Variants in SLC2A13 observed in about 807,000 individuals in gnomAD.
SLC2A13 encodes proton myo-inositol cotransporter.
Under a neutral mutation model 64.4 loss-of-function variants are expected in SLC2A13, and 32 were observed. The observed-to-expected ratio is 0.50, with a 90% CI of 0.37 to 0.67. The LOEUF (loss-of-function observed/expected upper bound fraction) is 0.67, where lower values mean the gene tolerates loss of function less well. SLC2A13 is among the 30% of genes least tolerant of loss of function. The pLI is 0.00. For missense variants in SLC2A13, 743 were observed against 829.2 expected, an observed-to-expected ratio of 0.90 and a Z score of 1.28; for synonymous variants, 338 against 327.1, an observed-to-expected ratio of 1.03 and a Z score of -0.36.
At chr12:39,899,066 C>T (rs1945009156) in intron 4 of SLC2A13, among the ~76,000 whole-genome samples, 1 of 152,002 alleles carries the variant, frequency 6.6e-6, no homozygotes. Flanking sequence ...GTACCAGTTC[C>T]TCCTTGTACC....
intron 3 of SLC2A13, among the ~76,000 whole-genome samples, chr12:39,952,418 G>A (rs1402491586): frequency 1.3e-5 from 2 of 152,120 alleles, no homozygotes; most frequent in African/African-American, 4.8e-5. Context: ...AAAATCCAAA[G>A]AAGTCTAACT....
chr12:40,097,705 C>T (rs1938999747), intron 1 of SLC2A13, among the ~76,000 whole-genome samples: 1 of 152,152 alleles, frequency 6.6e-6, no homozygotes, highest in African/African-American at 2.4e-5. Flanking sequence ...AGGATGGCCA[C>T]TGTCAAAAGA....
chr12:39,863,231 G>C (rs1225635435), intron 6 of SLC2A13, among the ~76,000 whole-genome samples: 2 of 152,030 alleles, frequency 1.3e-5, no homozygotes, highest in African/African-American at 4.8e-5. Context: ...ACATCATAAG[G>C]ATTAACAGAC....
chr12:39,800,355 G>A (rs954827423), intron 7 of SLC2A13, among the ~76,000 whole-genome samples: 1 of 151,894 alleles, frequency 6.6e-6, no homozygotes, highest in Non-Finnish European at 1.5e-5. Context: ...ATCTGACAAA[G>A]GGCTAATATC....
chr12:39,760,218 C>T lies in SLC2A13; in HGVS notation c.1755G>A (p.Val585=). The T allele has an allele frequency of 6.2e-7, 1 of 1,612,468 alleles. No individual in the cohort carries two copies. The highest frequency in any genetic ancestry group is 8.5e-7 in the Non-Finnish European group (1 of 1,179,146). The change falls in exon 10 of 10, where the codon GTG becomes GTA. Residue 585 remains valine (V), a synonymous_variant. Transcript: ENST00000280871. ...AFFLYAGFAA[V]GLLFIYGCLP... is the part of the protein sequence containing the mutation. ...GACAGCCATAGATGAAAAGGAGTCCCACAGCAGCAAATCCAGCATAGAGGA... is the reference window on the plus strand; with the variant it reads ...GACAGCCATAGATGAAAAGGAGTCCTACAGCAGCAAATCCAGCATAGAGGA...
intron 4 of SLC2A13, among the ~76,000 whole-genome samples, chr12:39,881,983 C>G (rs1285076201): frequency 6.6e-6 from 1 of 152,092 alleles, no homozygotes; most frequent in Non-Finnish European, 1.5e-5. Context: ...GCTCTACCAC[C>G]AAAATCCTTT....
At chr12:39,897,640 T>C (rs762199313) in intron 4 of SLC2A13, among the ~76,000 whole-genome samples, 2 of 152,220 alleles carry the variant, frequency 1.3e-5, no homozygotes, top group African/African-American at 2.4e-5. Context: ...GCTAGCATAC[T>C]GAGAAGGTGA....
intron 3 of SLC2A13, among the ~76,000 whole-genome samples, chr12:40,002,244 T>C (rs1021923475): frequency 1.1e-4 from 16 of 152,330 alleles, no homozygotes; most frequent in African/African-American, 3.8e-4. Context: ...CTCATAATTA[T>C]CCTATAGTGG....
chr12:40,039,789 C>A (rs1050484186), intron 2 of SLC2A13, among the ~76,000 whole-genome samples: 1 of 152,218 alleles, frequency 6.6e-6, no homozygotes, highest in Non-Finnish European at 1.5e-5. Context: ...ACATTTGTTG[C>A]AAGTGATGAG....
At chr12:39,881,338 A>C (rs1247676730) in intron 4 of SLC2A13, among the ~76,000 whole-genome samples, 4 of 152,092 alleles carry the variant, frequency 2.6e-5, no homozygotes, top group Non-Finnish European at 5.9e-5. Context: ...TAAAAAAAAA[A>C]CAATCTGGAA....
At chr12:39,996,882 T>C (rs971668324) in intron 3 of SLC2A13, among the ~76,000 whole-genome samples, 19 of 152,124 alleles carry the variant, frequency 1.2e-4, no homozygotes, top group African/African-American at 3.4e-4. Context: ...AAAGAAATCA[T>C]AGAAAACACA....
intron 6 of SLC2A13, 27 bp from the exon 7 acceptor site, chr12:39,830,255 T>C (rs1001764536): frequency 1.2e-6 from 2 of 1,606,216 alleles, no homozygotes; most frequent in Non-Finnish European, 1.7e-6. Context: ...GTTACCGTCA[T>C]GTTGGCAGAG....
At chr12:39,983,893 G>T (rs879920480) in intron 3 of SLC2A13, among the ~76,000 whole-genome samples, 26 of 144,758 alleles carry the variant, frequency 1.8e-4, no homozygotes, top group Admixed American at 5.6e-4. Context: ...TGTTTATTGC[G>T]GCATTATTCA....
At chr12:39,961,507 T>C (rs1250690093) in intron 3 of SLC2A13, among the ~76,000 whole-genome samples, 1 of 152,178 alleles carries the variant, frequency 6.6e-6, no homozygotes. Context: ...AAGCAATAAT[T>C]TTTTTGTTTA....
chr12:39,776,532 A>G (rs1224637696), intron 7 of SLC2A13, among the ~76,000 whole-genome samples: 11 of 152,218 alleles, frequency 7.2e-5, no homozygotes, highest in Non-Finnish European at 1.6e-4. Context: ...TTGAAAGAGG[A>G]TAGAGTGACA....
At chr12:39,901,565 T>C (rs1945111101) in intron 4 of SLC2A13, among the ~76,000 whole-genome samples, 2 of 126,396 alleles carry the variant, frequency 1.6e-5, no homozygotes, top group Non-Finnish European at 3.3e-5. Context: ...AGAAGACATT[T>C]ATGCAGCCAA....
At chr12:39,987,218 C>T (rs1947046906) in intron 3 of SLC2A13, among the ~76,000 whole-genome samples, 1 of 152,158 alleles carries the variant, frequency 6.6e-6, no homozygotes, top group African/African-American at 2.4e-5. Flanking sequence ...AAGATGTGGT[C>T]TCTGCCCCCA....
intron 4 of SLC2A13, among the ~76,000 whole-genome samples, chr12:39,944,228 T>G (rs1392468631): frequency 2.6e-5 from 4 of 152,260 alleles, no homozygotes; most frequent in Non-Finnish European, 5.9e-5. Context: ...AATTTTAATT[T>G]TCTTAAACTT....
At chr12:39,895,551 T>TATATAC (rs1246193316) in intron 4 of SLC2A13, among the ~76,000 whole-genome samples, 12 of 66,766 alleles carry the variant, frequency 1.8e-4, no homozygotes, top group African/African-American at 7.5e-4. Flanking sequence ...TATATATATA[T>TATATAC]ACACACACAC....
Sources: allele counts gnomAD v4.1 joint callset (sites outside exome capture counted in the v4.1 genomes callset), GRCh38; gene constraint gnomAD v4.1.1; transcripts MANE v1.5; gene names NCBI Gene and HGNC (gene_info 2026-07-23, HGNC 2026-07-21).